Variants in ARID1A observed in about 807,000 individuals in gnomAD.
ARID1A encodes AT-rich interaction domain 1A, also known as AT-rich interactive domain-containing protein 1A.
ARID1A carries 20 observed loss-of-function variants against 212.6 expected under a neutral mutation model. That is an observed-to-expected ratio of 0.09 (90% CI 0.07 to 0.14). ARID1A has a LOEUF of 0.14. Among genes scored for constraint, ARID1A ranks in the 10% least tolerant of loss-of-function variants. The pLI, the probability that ARID1A is intolerant of heterozygous loss-of-function variation, is 1.00. For synonymous variants in ARID1A, 1,376 were observed against 1,222.1 expected, an observed-to-expected ratio of 1.13 and a Z score of -2.63; for missense variants, 2,587 against 3,059.0, an observed-to-expected ratio of 0.85 and a Z score of 3.64.
At chr1:26,737,259 G>C (rs2080742932) in intron 4 of ARID1A, among the ~76,000 whole-genome samples, 1 of 152,092 alleles carries the variant, frequency 6.6e-6, no homozygotes, top group Non-Finnish European at 1.5e-5. Context: ...TGGGACTACA[G>C]GTGTGAGTCA....
At chr1:26,738,491 C>T (rs972178525) in intron 4 of ARID1A, among the ~76,000 whole-genome samples, 11 of 152,216 alleles carry the variant, frequency 7.2e-5, no homozygotes, top group African/African-American at 2.2e-4. Flanking sequence ...TAGTAGGCTC[C>T]AACTTACTGA....
At chr1:26,716,079 G>A (rs985871996) in intron 1 of ARID1A, among the ~76,000 whole-genome samples, 12 of 151,726 alleles carry the variant, frequency 7.9e-5, no homozygotes, top group Non-Finnish European at 2.9e-5. Flanking sequence ...GGTGGTGCAT[G>A]CCCGTAATCC....
chr1:26,750,772 C>T (rs1330040454), intron 4 of ARID1A, among the ~76,000 whole-genome samples: 2 of 151,884 alleles, frequency 1.3e-5, no homozygotes, highest in African/African-American at 4.8e-5. Flanking sequence ...CTGCTTGTTT[C>T]CCTACATTCA....
chr1:26,751,224 C>G (rs2080882314), intron 4 of ARID1A, among the ~76,000 whole-genome samples: 1 of 151,856 alleles, frequency 6.6e-6, no homozygotes, highest in Non-Finnish European at 1.5e-5. Flanking sequence ...CACTGCACTC[C>G]AGCCTGGAGG....
chr1:26,729,345 A>C (rs1218421039), intron 1 of ARID1A: 5 of 395,728 alleles, frequency 1.3e-5, no homozygotes, highest in Non-Finnish European at 2.4e-5. Flanking sequence ...TCCTCTACCA[A>C]CTGAAGGGCC....
At chr1:26,729,967 A>C in intron 2 of ARID1A, 104 bp downstream of exon 2, 1 of 1,336,864 alleles carries the variant, frequency 7.5e-7, no homozygotes, top group Non-Finnish European at 1.0e-6. Context: ...TCTTGACAGG[A>C]ATGTAGACCT....
rs2124153890 is a variant in ARID1A at position 26,780,768 on chromosome 1, C to T, written c.*12C>T. ...TTGGCCAGTCATGACAGCCGTGGGA[C>T]ACCTCCCCCCCCCGTGTGTGTGTGC... On this transcript the variant is annotated 3_prime_UTR_variant, in exon 20 of 20. Transcript: ENST00000324856. This position sits in a 1 kb window ranked among gnomAD's most constrained non-coding sequence, Gnocchi z 7.2. The T allele has an allele frequency of 6.5e-7, 1 of 1,547,286 alleles. No individual in the cohort carries two copies. Among genetic ancestry groups the T allele is most frequent in the South Asian group, 1.2e-5 (1 of 83,568 alleles).
In ARID1A at chr1:26,773,601, T is replaced by C. The variant is rs554820648; in HGVS notation, c.3888T>C (p.Pro1296=). The C allele has an allele frequency of 1.9e-6, 3 of 1,614,160 alleles. No homozygotes were observed. The South Asian group carries it at 3.3e-5, about 18-fold the overall frequency. ...TTAGGACGGAGCCTGGAATAGGGCC[T>C]GAGGGAAACATGAGCACTGGGGCCC... ...DRVRTEPGIG[P]EGNMSTGAPQ... The change falls in exon 16 of 20, where the codon CCT becomes CCC. Residue 1296 remains proline (P), a synonymous_variant. Transcript: ENST00000324856.
intron 1 of ARID1A, among the ~76,000 whole-genome samples, chr1:26,712,997 T>C (rs1013910218): frequency 6.6e-6 from 1 of 152,232 alleles, no homozygotes; most frequent in Non-Finnish European, 1.5e-5. Context: ...CAGGCCTCTT[T>C]TTCCTCCTGC....
At position 26,780,609 on chromosome 1, in the gene ARID1A, G is replaced by C. The variant is rs542602060; in HGVS notation, c.6711G>C (p.Ala2237=). The C allele has an allele frequency of 1.5e-5, 25 of 1,613,750 alleles. No homozygotes were observed. Among genetic ancestry groups the C allele is most frequent in the Non-Finnish European group, 2.1e-5 (25 of 1,179,982 alleles). The change falls in exon 20 of 20, where the codon GCG becomes GCC. Residue 2237 remains alanine (A), a synonymous_variant. Transcript: ENST00000324856. This position sits in a 1 kb window ranked among gnomAD's most constrained non-coding sequence, Gnocchi z 7.2. ...ACATGATGCGGCGGGCTGCCCGCGC[G>C]CTGCTTGCCTTGGCCAAGGTGGACG... ...SVDMMRRAAR[A]LLALAKVDEN...
chr1:26,701,500 G>A (rs1451597013), intron 1 of ARID1A, among the ~76,000 whole-genome samples: 1 of 152,202 alleles, frequency 6.6e-6, no homozygotes, highest in East Asian at 1.9e-4. Flanking sequence ...ACAGGAGGAG[G>A]AAGGAGGAGG....
intron 1 of ARID1A, among the ~76,000 whole-genome samples, chr1:26,714,737 A>C (rs550089185): frequency 1.3e-5 from 2 of 152,280 alleles, no homozygotes; most frequent in East Asian, 3.9e-4. Flanking sequence ...AAGGTTGACT[A>C]TTCCCTGGGC....
intron 11 of ARID1A, 152 bp downstream of exon 11, chr1:26,768,151 GT>G: frequency 1.1e-6 from 1 of 895,086 alleles, no homozygotes; most frequent in East Asian, 2.7e-5. Flanking sequence ...GGGAGCACAG[GT>G]TTCCCAGAAG....
chr1:26,768,700 C>T (rs2081059045), intron 11 of ARID1A, among the ~76,000 whole-genome samples: 1 of 152,126 alleles, frequency 6.6e-6, no homozygotes, highest in African/African-American at 2.4e-5. Flanking sequence ...TGGACACCAC[C>T]CAGAGCTTGT....
intron 1 of ARID1A, 188 bp from the exon 2 acceptor site, chr1:26,729,463 A>C (rs909856239): frequency 1.5e-6 from 1 of 651,884 alleles, no homozygotes; most frequent in Non-Finnish European, 2.7e-6. Context: ...TCATTTTTCA[A>C]ATGACAAAAT....
chr1:26,751,511 C>G (rs768520856), intron 4 of ARID1A, among the ~76,000 whole-genome samples: 4 of 151,726 alleles, frequency 2.6e-5, no homozygotes, highest in Non-Finnish European at 4.4e-5. Context: ...TGGATTTGAA[C>G]CTCAGGTCTA....
intron 4 of ARID1A, among the ~76,000 whole-genome samples, chr1:26,747,205 C>T (rs2080844343): frequency 6.6e-6 from 1 of 152,160 alleles, no homozygotes; most frequent in African/African-American, 2.4e-5. Flanking sequence ...GCTTGGTCTC[C>T]TAATCCCCCT....
rs2124063254 is a variant in ARID1A at position 26,762,194 on chromosome 1, C to T, written c.2294C>T (p.Pro765Leu). ...RNPQMPQYSSPQPGSALSPRQ... is the reference protein window; with the variant it reads ...RNPQMPQYSSLQPGSALSPRQ... Reference sequence around the variant, plus strand: ...CCCCAGATGCCCCAGTACAGTTCCCCCCAGCCCGGCTCAGCCTTATCTCCG... The same window carrying T: ...CCCCAGATGCCCCAGTACAGTTCCCTCCAGCCCGGCTCAGCCTTATCTCCG... The change falls in exon 7 of 20, where the codon CCC (proline) becomes CTC (leucine). Residue 765 changes from proline (P) to leucine (L), a missense_variant. Around this residue, in one of 11 missense-constraint regions of ARID1A, gnomAD observed 674 missense variants for 813.4 expected, o/e 0.83. Coordinates refer to ENST00000324856, the MANE Select transcript of ARID1A (RefSeq NM_006015.6). The T allele has an allele frequency of 1.2e-6, 2 of 1,614,180 alleles. No homozygotes were observed. Among genetic ancestry groups the T allele is most frequent in the South Asian group, 1.1e-5 (1 of 91,084 alleles).
chr1:26,772,590 C>T lies in ARID1A; in HGVS notation c.3497C>T (p.Ala1166Val), dbSNP rs1557614465. ...EGGDLKPPTP[A>V]STPHSQIPPL... ...GGAGACTTAAAGCCACCAACTCCAG[C>T]ATCCACACCACACAGTCAGATCCCC... The change falls in exon 13 of 20, where the codon GCA becomes GTA. Residue 1166 changes from alanine to valine, a missense_variant. Coordinates refer to ENST00000324856, the MANE Select transcript of ARID1A (RefSeq NM_006015.6). 3.7e-6 allele frequency: 6 copies of T among 1,614,096 alleles called. No homozygotes were observed. In the African/African-American group the frequency reaches 6.7e-5, roughly 18 times the overall value.
Sources: gnomAD v4.1 joint callset for allele counts (sites outside exome capture counted in the v4.1 genomes callset) on GRCh38, gnomAD v4.1.1 for gene constraint, gnomAD v4.1.1 regional missense constraint, Gnocchi (gnomAD v3.1) non-coding constraint, MANE v1.5 for transcripts, NCBI Gene and HGNC (gene_info 2026-07-23, HGNC 2026-07-21) for gene names.